Variants in SORBS2 observed in about 807,000 individuals in gnomAD.
The protein encoded by SORBS2 is sorbin and SH3 domain-containing protein 2.
In SORBS2, 46 loss-of-function variants were observed where a neutral mutation model predicts 97.7. The observed-to-expected ratio is 0.47, with a 90% CI of 0.37 to 0.60. SORBS2 has a LOEUF of 0.60. SORBS2 is among the 20% of genes least tolerant of loss of function. The probability of loss-of-function intolerance (pLI) is 0.00; values close to 1 mark genes in which losing one functional copy is unlikely to be tolerated. For synonymous variants in SORBS2, 476 were observed against 473.4 expected (o/e 1.01, Z -0.07); for missense variants, 1,316 against 1,282.3 (o/e 1.03, Z -0.40).
intron 1 of SORBS2, among the ~76,000 whole-genome samples, chr4:185,909,650 T>G (rs921390614): frequency 6.6e-6 from 1 of 152,232 alleles, no homozygotes; most frequent in African/African-American, 2.4e-5. Flanking sequence ...TTCTGAAGAA[T>G]TATGAGGGCT....
At chr4:185,716,792 A>G (rs1418535472) in intron 2 of SORBS2, among the ~76,000 whole-genome samples, 1 of 152,150 alleles carries the variant, frequency 6.6e-6, no homozygotes, top group African/African-American at 2.4e-5. Flanking sequence ...TCACCAGCAC[A>G]CCAGACTGCG....
chr4:185,702,772 T>C (rs377247843), intron 2 of SORBS2, among the ~76,000 whole-genome samples: 2 of 152,092 alleles, frequency 1.3e-5, no homozygotes, highest in African/African-American at 2.4e-5. Flanking sequence ...GTTTATAACA[T>C]GAAAGACTTG....
At chr4:185,952,401 T>C (rs982720992) in intron 1 of SORBS2, among the ~76,000 whole-genome samples, 5 of 152,252 alleles carry the variant, frequency 3.3e-5, no homozygotes, top group African/African-American at 1.2e-4. Context: ...TACTGAGGCC[T>C]GGGCCAGTAG....
chr4:185,943,359 A>G (rs1482334328), intron 1 of SORBS2, among the ~76,000 whole-genome samples: 1 of 152,232 alleles, frequency 6.6e-6, no homozygotes, highest in Non-Finnish European at 1.5e-5. Context: ...CAAAAAATCA[A>G]CTGCAGCATC....
chr4:185,931,674 T>A (rs1321258378), intron 1 of SORBS2, among the ~76,000 whole-genome samples: 1 of 152,068 alleles, frequency 6.6e-6, no homozygotes, highest in Non-Finnish European at 1.5e-5. Flanking sequence ...TTCATTAAAC[T>A]GACGCAGCAG....
At chr4:185,648,340 C>T (rs1265014603) in intron 3 of SORBS2, among the ~76,000 whole-genome samples, 4 of 151,992 alleles carry the variant, frequency 2.6e-5, no homozygotes. Context: ...GGTGGTGAAA[C>T]ACCATACAAA....
intron 1 of SORBS2, among the ~76,000 whole-genome samples, chr4:185,909,218 A>G (rs1263341820): frequency 1.3e-5 from 2 of 152,254 alleles, no homozygotes; most frequent in African/African-American, 4.8e-5. Context: ...TTCAGCCATA[A>G]AAAATGAAAT....
At chr4:185,808,189 T>C (rs946067583) in intron 1 of SORBS2, among the ~76,000 whole-genome samples, 1 of 152,210 alleles carries the variant, frequency 6.6e-6, no homozygotes, top group African/African-American at 2.4e-5. Flanking sequence ...TTGCTATTTA[T>C]CTTACTTTTA....
rs981562204 is a variant in SORBS2 at position 185,843,090 on chromosome 4, A to C, written c.-337-67724T>G. The stretch of plus-strand genomic sequence containing the variant: ...GTACACCATGAGTATATGCAATAAC[A>C]CAGGGAGTGTGGGTAGAAAGAACAG... On this transcript the variant is annotated intron_variant, in intron 1 of 20. Coordinates refer to the SORBS2 transcript ENST00000284776. Among the ~76,000 whole-genome samples, 6 of 152,280 alleles carry C rather than the reference A, an allele frequency of 3.9e-5. No individual in the cohort carries two copies. The East Asian group carries it at 1.2e-3, about 29-fold the overall frequency.
intron 1 of SORBS2, among the ~76,000 whole-genome samples, chr4:185,858,038 C>T (rs914105124): frequency 6.6e-6 from 1 of 152,152 alleles, no homozygotes; most frequent in Non-Finnish European, 1.5e-5. Flanking sequence ...CATCCCCTCC[C>T]TTTTCAAAAT....
chr4:185,630,668 A>G, intron 4 of SORBS2, 70 bp from the exon 17 acceptor site: 1 of 777,548 alleles, frequency 1.3e-6, no homozygotes, highest in South Asian at 1.6e-5. Context: ...TGTCAACATT[A>G]AATTAGGTAT....
At chr4:185,809,831 G>A (rs150735093) in intron 1 of SORBS2, among the ~76,000 whole-genome samples, 19 of 152,246 alleles carry the variant, frequency 1.2e-4, no homozygotes, top group African/African-American at 3.6e-4. Context: ...CACAGCAGTC[G>A]GGTGTGCCCT....
intron 12 of SORBS2, among the ~76,000 whole-genome samples, chr4:185,596,494 G>A (rs958271543): frequency 6.9e-5 from 10 of 145,858 alleles, no homozygotes; most frequent in African/African-American, 1.8e-4. Flanking sequence ...GCTGGAGAAC[G>A]TATGTTCCTG....
intron 5 of SORBS2, 48 bp downstream of exon 8, chr4:185,662,056 T>C (rs745648691): frequency 3.5e-5 from 56 of 1,606,586 alleles, no homozygotes; most frequent in Non-Finnish European, 4.3e-5. Context: ...GTGGTTGTAC[T>C]TGCCGCATTG....
intron 12 of SORBS2, among the ~76,000 whole-genome samples, chr4:185,602,394 T>C (rs541457724): frequency 5.8e-4 from 89 of 152,286 alleles, no homozygotes; most frequent in African/African-American, 1.9e-3. Context: ...TTCAGATTTA[T>C]ACATTAAACA....
intron 4 of SORBS2, chr4:185,665,599 C>T (rs779259121): frequency 8.7e-4 from 197 of 225,586 alleles, no homozygotes; most frequent in Non-Finnish European, 1.2e-3. Context: ...CTAATGATTT[C>T]CCTGACAGAT....
At chr4:185,589,694 C>A in exon 14 of SORBS2, 1 of 1,607,802 alleles carries the variant, frequency 6.2e-7, no homozygotes, top group South Asian at 1.1e-5. Context: ...AACCAGCCGT[C>A]ATCACACTTT....
chr4:185,691,417 T>C (rs1334773995), intron 2 of SORBS2, among the ~76,000 whole-genome samples: 1 of 152,150 alleles, frequency 6.6e-6, no homozygotes, highest in Non-Finnish European at 1.5e-5. Flanking sequence ...ATACAAATGG[T>C]TTTTGTTCTC....
At chr4:185,710,613 C>A (rs1184665045) in intron 2 of SORBS2, among the ~76,000 whole-genome samples, 1 of 152,162 alleles carries the variant, frequency 6.6e-6, no homozygotes, top group Non-Finnish European at 1.5e-5. Flanking sequence ...TCATTAGATT[C>A]TAGTACTGAA....
Sources: gnomAD v4.1 joint callset for allele counts (sites outside exome capture counted in the v4.1 genomes callset) on GRCh38, gnomAD v4.1.1 for gene constraint, MANE v1.5 for transcripts, NCBI Gene and HGNC (gene_info 2026-07-23, HGNC 2026-07-21) for gene names.